Variants in EXOC6 observed in about 807,000 individuals in gnomAD.
EXOC6 encodes SEC15-like 1.
Under a neutral mutation model 112.5 loss-of-function variants are expected in EXOC6, and 60 were observed. The ratio of observed to expected loss-of-function variants is 0.53; its 90% confidence interval spans 0.43 to 0.66. The LOEUF (loss-of-function observed/expected upper bound fraction) is 0.66, where lower values mean the gene tolerates loss of function less well. Ranked by LOEUF, EXOC6 falls within the 30% of genes least tolerant of loss-of-function variation. The pLI is 0.00. For synonymous variants in EXOC6, 295 were observed against 308.0 expected (o/e 0.96, Z 0.44); for missense variants, 855 against 957.1 (o/e 0.89, Z 1.41).
intron 1 of EXOC6, among the ~76,000 whole-genome samples, chr10:92,874,171 T>C (rs1206676499): frequency 2.0e-5 from 3 of 152,186 alleles, no homozygotes; most frequent in African/African-American, 4.8e-5. Context: ...GGCTATAGCA[T>C]TGGTTTGAAT....
intron 19 of EXOC6, among the ~76,000 whole-genome samples, chr10:93,010,086 A>G (rs924470295): frequency 5.3e-5 from 8 of 152,198 alleles, no homozygotes; most frequent in African/African-American, 1.9e-4. Context: ...AACAAGATTG[A>G]CTGCAGTTGA....
chr10:92,883,039 A>G (rs994152179), intron 1 of EXOC6, among the ~76,000 whole-genome samples: 1 of 152,248 alleles, frequency 6.6e-6, no homozygotes, highest in African/African-American at 2.4e-5. Context: ...CATCTCAGAA[A>G]GCTTACTATT....
intron 1 of EXOC6, among the ~76,000 whole-genome samples, chr10:92,866,336 A>G (rs528179254): frequency 8.0e-4 from 122 of 152,284 alleles, no homozygotes; most frequent in Non-Finnish European, 1.5e-3. Context: ...TATAGCCACA[A>G]ACATTCCTTT....
chr10:92,845,230 G>A (rs182183763), upstream of EXOC6, among the ~76,000 whole-genome samples: 25 of 152,226 alleles, frequency 1.6e-4, no homozygotes, highest in Non-Finnish European at 3.4e-4. Context: ...CTGCTACTCC[G>A]CAACCTTCTC....
At chr10:92,849,111 C>G (rs1847198159) in intron 1 of EXOC6, among the ~76,000 whole-genome samples, 1 of 152,108 alleles carries the variant, frequency 6.6e-6, no homozygotes, top group Non-Finnish European at 1.5e-5. Flanking sequence ...GCCGGGCTGC[C>G]GCGGGCGTGG....
At chr10:92,874,473 C>T (rs2133739040) in intron 1 of EXOC6, among the ~76,000 whole-genome samples, 1 of 152,206 alleles carries the variant, frequency 6.6e-6, no homozygotes, top group African/African-American at 2.4e-5. Flanking sequence ...TTGTGGTATT[C>T]CCATAACTTA....
chr10:93,012,500 A>G (rs188012355), intron 19 of EXOC6, among the ~76,000 whole-genome samples: 22 of 152,380 alleles, frequency 1.4e-4, no homozygotes, highest in Admixed American at 2.0e-4. Flanking sequence ...CTAAGATTAA[A>G]GAAAAATTCT....
intron 1 of EXOC6, among the ~76,000 whole-genome samples, chr10:92,881,185 A>C (rs1848943632): frequency 6.6e-6 from 1 of 152,118 alleles, no homozygotes; most frequent in African/African-American, 2.4e-5. Context: ...CCAGCTTGTC[A>C]TTTTTAGGAT....
intron 13 of EXOC6, among the ~76,000 whole-genome samples, chr10:92,946,978 G>T (rs1443365265): frequency 6.6e-6 from 1 of 152,076 alleles, no homozygotes; most frequent in Non-Finnish European, 1.5e-5. Context: ...ATTTGTTTGT[G>T]TATCTATCTC....
chr10:92,853,277 T>C (rs999660944), intron 1 of EXOC6, among the ~76,000 whole-genome samples: 1 of 152,216 alleles, frequency 6.6e-6, no homozygotes, highest in African/African-American at 2.4e-5. Context: ...CACATACTGT[T>C]TTCATGGATT....
intron 17 of EXOC6, among the ~76,000 whole-genome samples, chr10:92,971,529 C>T (rs983316615): frequency 6.6e-6 from 1 of 152,044 alleles, no homozygotes; most frequent in Non-Finnish European, 1.5e-5. Context: ...CACACACCAC[C>T]ACGTGTGGCT....
At chr10:93,022,097 G>A (rs1195680196) in intron 20 of EXOC6, among the ~76,000 whole-genome samples, 1 of 152,142 alleles carries the variant, frequency 6.6e-6, no homozygotes, top group African/African-American at 2.4e-5. Flanking sequence ...CTCTTTACAA[G>A]TATATAGCTC....
chr10:92,932,046 T>C (rs1318346938), intron 9 of EXOC6, among the ~76,000 whole-genome samples: 25 of 152,180 alleles, frequency 1.6e-4, no homozygotes, highest in Admixed American at 1.6e-3. Context: ...GTCTGTGAAC[T>C]AGTGAATAAA....
intron 1 of EXOC6, among the ~76,000 whole-genome samples, chr10:92,889,781 G>A (rs1035010137): frequency 2.7e-5 from 4 of 150,658 alleles, no homozygotes; most frequent in African/African-American, 7.3e-5. Flanking sequence ...TGGGGGTTGC[G>A]CTCTGTCACC....
chr10:92,868,295 T>C (rs1564786991), intron 1 of EXOC6, among the ~76,000 whole-genome samples: 1 of 152,142 alleles, frequency 6.6e-6, no homozygotes, highest in Non-Finnish European at 1.5e-5. Flanking sequence ...AACCCAGCTA[T>C]CCTAGTACCT....
chr10:92,976,055 G>A (rs1263515748), intron 18 of EXOC6, among the ~76,000 whole-genome samples: 20 of 141,776 alleles, frequency 1.4e-4, no homozygotes, highest in Non-Finnish European at 2.9e-4. Context: ...TGGGGGGGGG[G>A]GTCAGCCCCC....
chr10:92,976,045 T>TGGG (rs745358976), intron 18 of EXOC6, among the ~76,000 whole-genome samples: 1 of 105,466 alleles, frequency 9.5e-6, no homozygotes, highest in East Asian at 2.8e-4. Context: ...GGGAGGGAGG[T>TGGG]GGGGGGGGGG....
At chr10:92,877,171 C>A (rs1313981436) in intron 1 of EXOC6, among the ~76,000 whole-genome samples, 1 of 152,180 alleles carries the variant, frequency 6.6e-6, no homozygotes, top group Non-Finnish European at 1.5e-5. Context: ...GAATTAATTA[C>A]TACAGGCATT....
At chr10:92,916,091 G>T (rs369497187) in intron 7 of EXOC6, 178 bp downstream of exon 7, 5 of 454,476 alleles carry the variant, frequency 1.1e-5, no homozygotes, top group Non-Finnish European at 1.9e-5. Context: ...TGAGAAGGCC[G>T]TGAAGGGAGG....
Sources: allele counts gnomAD v4.1 joint callset (sites outside exome capture counted in the v4.1 genomes callset), GRCh38; gene constraint gnomAD v4.1.1; transcripts MANE v1.5; gene names NCBI Gene and HGNC (gene_info 2026-07-23, HGNC 2026-07-21).